SHISA9: variants seen among roughly 807,000 people sequenced by gnomAD.
SHISA9 encodes the protein protein shisa-9.
A neutral mutation model predicts 38.0 loss-of-function variants in SHISA9; 13 were observed. The observed-to-expected ratio is 0.34, with a 90% CI of 0.22 to 0.54. The LOEUF is 0.54. SHISA9 is among the 20% of genes least tolerant of loss of function. The pLI is 0.91. For synonymous variants in SHISA9, 275 were observed against 242.0 expected (o/e 1.14, Z -1.27); for missense variants, 538 against 575.8 (o/e 0.93, Z 0.67).
At chr16:12,914,045 T>C (rs1199583110) in intron 1 of SHISA9, among the ~76,000 whole-genome samples, 1 of 143,804 alleles carries the variant, frequency 7.0e-6, no homozygotes, top group Non-Finnish European at 1.5e-5. Flanking sequence ...TGTTTGTTTT[T>C]CTTTTTTTTT....
At chr16:13,452,638 C>T in the SHISA9 span, among the ~76,000 whole-genome samples, 1 of 152,146 alleles carries the variant, frequency 6.6e-6, no homozygotes, top group African/African-American at 2.4e-5. Flanking sequence ...CAAAGAAAAG[C>T]TGATCACATC....
the SHISA9 span, among the ~76,000 whole-genome samples, chr16:13,385,351 A>G: frequency 6.6e-5 from 10 of 152,264 alleles, no homozygotes; most frequent in Non-Finnish European, 1.5e-4. Flanking sequence ...AGGAATGCTT[A>G]TAGCAGCTTT....
At chr16:13,360,209 A>G in the SHISA9 span, among the ~76,000 whole-genome samples, 1 of 152,160 alleles carries the variant, frequency 6.6e-6, no homozygotes, top group Non-Finnish European at 1.5e-5. Flanking sequence ...GTGCAAGACC[A>G]CTCAGAGAAC....
At chr16:13,252,219 GCCT>G in the SHISA9 span, among the ~76,000 whole-genome samples, 360 of 152,224 alleles carry the variant, frequency 2.4e-3, no homozygotes, top group Non-Finnish European at 3.9e-3. Flanking sequence ...GCCCCCACTG[GCCT>G]CCTTGCTGTT....
At chr16:13,283,086 C>T in the SHISA9 span, among the ~76,000 whole-genome samples, 1 of 151,918 alleles carries the variant, frequency 6.6e-6, no homozygotes, top group Non-Finnish European at 1.5e-5. Flanking sequence ...GAATACTGGA[C>T]ATGGTGAATA....
At chr16:13,446,108 A>C in the SHISA9 span, among the ~76,000 whole-genome samples, 1 of 151,776 alleles carries the variant, frequency 6.6e-6, no homozygotes, top group South Asian at 2.1e-4. Flanking sequence ...ATGCCCAGTT[A>C]GTTTTTTTGT....
At chr16:13,440,223 C>T in the SHISA9 span, among the ~76,000 whole-genome samples, 1 of 152,224 alleles carries the variant, frequency 6.6e-6, no homozygotes, top group Non-Finnish European at 1.5e-5. Context: ...GGCTCCCTTT[C>T]CTCAGAAGGA....
chr16:13,337,019 T>C, the SHISA9 span, among the ~76,000 whole-genome samples: 1 of 152,288 alleles, frequency 6.6e-6, no homozygotes, highest in South Asian at 2.1e-4. Flanking sequence ...AAAACAGCAA[T>C]GACAGTATGA....
the SHISA9 span, among the ~76,000 whole-genome samples, chr16:13,371,958 C>A: frequency 3.3e-5 from 5 of 152,252 alleles, no homozygotes; most frequent in African/African-American, 1.2e-4. Context: ...CCGTGCCACC[C>A]ATTTCTCTTG....
intron 2 of SHISA9, among the ~76,000 whole-genome samples, chr16:13,034,243 A>T (rs1279505643): frequency 1.3e-5 from 2 of 151,992 alleles, no homozygotes; most frequent in East Asian, 3.9e-4. Context: ...CAGCTCATTT[A>T]GTAGGATAGA....
At chr16:13,184,831 A>G (rs1399245367) in intron 2 of SHISA9, among the ~76,000 whole-genome samples, 1 of 152,208 alleles carries the variant, frequency 6.6e-6, no homozygotes, top group African/African-American at 2.4e-5. Context: ...TGTGTTTATG[A>G]ATTCACCATT....
intron 2 of SHISA9, among the ~76,000 whole-genome samples, chr16:13,172,439 C>G (rs1191224730): frequency 1.3e-5 from 2 of 152,236 alleles, no homozygotes; most frequent in African/African-American, 4.8e-5. Context: ...GAATTAGTAA[C>G]TGAGTCATTA....
the SHISA9 span, among the ~76,000 whole-genome samples, chr16:13,318,138 C>G: frequency 6.6e-6 from 1 of 151,826 alleles, no homozygotes. Flanking sequence ...AAGTTGTAAA[C>G]AATAGGTCAT....
At chr16:13,243,694 G>A (rs984399378), downstream of SHISA9, among the ~76,000 whole-genome samples, 13 of 151,168 alleles carry the variant, frequency 8.6e-5, no homozygotes, top group African/African-American at 2.9e-4. Context: ...AGGCATGTCC[G>A]ACCCCCACTT....
intron 2 of SHISA9, among the ~76,000 whole-genome samples, chr16:13,086,912 C>T (rs1330077887): frequency 1.3e-5 from 2 of 151,914 alleles, no homozygotes. Context: ...TTGCCGCACC[C>T]ATCAACTTAT....
intron 2 of SHISA9, among the ~76,000 whole-genome samples, chr16:13,167,337 G>A (rs1248413492): frequency 6.6e-6 from 1 of 152,080 alleles, no homozygotes; most frequent in Non-Finnish European, 1.5e-5. Flanking sequence ...CTCCAAAAGT[G>A]CTGGGATCAC....
At chr16:13,437,932 C>G in the SHISA9 span, among the ~76,000 whole-genome samples, 629 of 81,112 alleles carry the variant, frequency 7.8e-3, 4 homozygotes, top group African/African-American at 0.02. Context: ...GTGACGTGAT[C>G]TCAGCTCACT....
At chr16:13,103,918 C>T (rs1293784579) in intron 2 of SHISA9, among the ~76,000 whole-genome samples, 1 of 152,178 alleles carries the variant, frequency 6.6e-6, no homozygotes, top group Non-Finnish European at 1.5e-5. Context: ...ATCTCTCCCC[C>T]ATTCTGGGAT....
chr16:12,989,422 C>T (rs1248240182), intron 2 of SHISA9, among the ~76,000 whole-genome samples: 1 of 152,246 alleles, frequency 6.6e-6, no homozygotes, highest in Non-Finnish European at 1.5e-5. Context: ...AAGTGATCTG[C>T]CTGCCTCAGC....
Sources: allele counts gnomAD v4.1 joint callset (sites outside exome capture counted in the v4.1 genomes callset), GRCh38; gene constraint gnomAD v4.1.1; transcripts MANE v1.5; gene names NCBI Gene and HGNC (gene_info 2026-07-23, HGNC 2026-07-21).